PEAR1: variants seen among roughly 807,000 people sequenced by gnomAD.
The protein encoded by PEAR1 is multiple EGF-like domains protein 12.
PEAR1 carries 113 observed loss-of-function variants against 131.2 expected under a neutral mutation model. That is an observed-to-expected ratio of 0.86 (90% confidence interval 0.74 to 1.01). The LOEUF (loss-of-function observed/expected upper bound fraction) is 1.01. Ranked by LOEUF, PEAR1 falls within the 50% of genes least tolerant of loss-of-function variation. The pLI, the probability that PEAR1 is intolerant of heterozygous loss-of-function variation, is 0.00. For missense variants in PEAR1, 1,408 were observed against 1,391.1 expected, an observed-to-expected ratio of 1.01 and a Z score of -0.19; for synonymous variants, 565 against 523.3, an observed-to-expected ratio of 1.08 and a Z score of -1.09.
chr1:156,904,774 A>G lies in PEAR1; in HGVS notation c.128A>G (p.His43Arg), dbSNP rs888045217. 1 of 1,611,990 alleles carries G rather than the reference A, an allele frequency of 6.2e-7. No homozygotes were observed. Among genetic ancestry groups the G allele is most frequent in the Non-Finnish European group, 8.5e-7 (1 of 1,179,308 alleles). The change falls in exon 3 of 23, where the codon CAC becomes CGC. Residue 43 changes from histidine to arginine, a missense_variant. Coordinates refer to ENST00000292357, the MANE Select transcript of PEAR1 (RefSeq NM_001080471.3). ...TTCACTACCACCACCAAGGAGTCCC[A>G]CTCCCGCCCCTTCAGCCTGCTCCCC... The part of the protein sequence containing the change: ...ESFTTTTKES[H>R]SRPFSLLPSE...
At position 156,911,270 on chromosome 1, in the gene PEAR1, C is replaced by T. The variant is rs199833077; in HGVS notation, c.1951+527C>T. On this transcript the variant is annotated intron_variant, in intron 15 of 22. Coordinates refer to ENST00000292357, the MANE Select transcript of PEAR1 (RefSeq NM_001080471.3). ...CTTTCTTTCTTCTTTTCTCTCCCTC[C>T]CTCTCTCTTTCTTTCTTTTTTTTTT... Among the ~76,000 whole-genome samples, 768 of 111,796 alleles carry T rather than the reference C, an allele frequency of 6.9e-3. 40 individuals carry two copies. Among genetic ancestry groups the T allele is most frequent in the African/African-American group, 0.032 (736 of 22,764 alleles). The allele number at this position is 111,796 out of a possible 152,430, so 73.3% of individuals were successfully genotyped here. A position where few individuals can be genotyped will look rare whatever the true frequency, so the allele number is the denominator to read the frequency against.
Position 156,906,893 on chromosome 1 carries a change from G to A in PEAR1, c.644+13G>A, listed in dbSNP as rs1650390193. 1 of 1,611,928 alleles carries A rather than the reference G, an allele frequency of 6.2e-7. No homozygotes were observed. The highest frequency in any genetic ancestry group is 1.7e-5 in the Admixed American group (1 of 59,732). On this transcript the variant is annotated intron_variant, in intron 6 of 22. Transcript: ENST00000292357. ...GAACTGGGCCCAGGTATGTAATGGG[G>A]GGAACGACACTTTAACAAGATCGCA...
In PEAR1 at chr1:156,910,341, G is replaced by A. The variant is rs759553680; in HGVS notation, c.1786G>A (p.Val596Met). The A allele has an allele frequency of 3.7e-6, 6 of 1,610,780 alleles. No homozygotes were observed. The highest frequency in any genetic ancestry group is 1.1e-5 in the South Asian group (1 of 90,646). The change falls in exon 14 of 23, where the codon GTG becomes ATG. Residue 596 changes from valine to methionine, a missense_variant. By Grantham distance (21) the Val-to-Met change is conservative. Coordinates refer to ENST00000292357, the MANE Select transcript of PEAR1 (RefSeq NM_001080471.3). ...GTCLPENGNC[V>M]CAPGFRGPSC... ...CTGTCTCCCTGAGAATGGCAACTGC[G>A]TGTGTGCACCCGGATTCCGGGGCCC...
intron 1 of PEAR1, among the ~76,000 whole-genome samples, chr1:156,897,148 G>A (rs756206657): frequency 9.9e-5 from 15 of 152,190 alleles, no homozygotes; most frequent in Non-Finnish European, 1.5e-4. Context: ...GTTGGGTGCC[G>A]GGCATCCTGG....
At position 156,914,811 on chromosome 1, in the gene PEAR1, G is replaced by T. The variant is rs777626410; in HGVS notation, c.*13G>T. 1.2e-6 allele frequency: 2 copies of T among 1,613,260 alleles called. No homozygotes were observed. The highest frequency in any genetic ancestry group is 2.2e-5 in the East Asian group (1 of 44,854). On this transcript the variant is annotated 3_prime_UTR_variant, in exon 23 of 23. Transcript: ENST00000292357. ...CCAGGACCGTTGAGGAGCCAGGATG[G>T]TATGGCAGAGGCCAGCACACCTGGC...
chr1:156,910,437 G>A lies in PEAR1; in HGVS notation c.1825+57G>A. On this transcript the variant is annotated intron_variant, in intron 14 of 22. Coordinates refer to ENST00000292357, the MANE Select transcript of PEAR1 (RefSeq NM_001080471.3). ...ACCAGCAGGGGGCAGTGTAGTGTCA[G>A]CTGCCAGAGCACCCCTCCCCCCGCG... 3 of 1,548,516 alleles carry A rather than the reference G, an allele frequency of 1.9e-6. No individual in the cohort carries two copies. The South Asian group carries it at 3.7e-5, about 19-fold the overall frequency.
chr1:156,915,070 G>A lies in PEAR1; in HGVS notation c.*272G>A. The A allele has an allele frequency of 2.4e-6, 1 of 412,036 alleles. No individual in the cohort carries two copies. Among genetic ancestry groups the A allele is most frequent in the Non-Finnish European group, 4.3e-6 (1 of 233,192 alleles). The allele number at this position is 412,036 out of a possible 1,614,324, so 25.5% of individuals were successfully genotyped here. A position where few individuals can be genotyped will look rare whatever the true frequency, so the allele number is the denominator to read the frequency against. On this transcript the variant is annotated 3_prime_UTR_variant, in exon 23 of 23. Coordinates refer to ENST00000292357, the MANE Select transcript of PEAR1 (RefSeq NM_001080471.3). The stretch of plus-strand genomic sequence containing the variant: ...TAAACTGGTGGGTTGGAAGTTGCTG[G>A]GTAACTCTGATTTCAGACATGCGTG...
chr1:156,898,999 G>A (rs1649424483), intron 1 of PEAR1, among the ~76,000 whole-genome samples: 2 of 152,214 alleles, frequency 1.3e-5, no homozygotes, highest in South Asian at 4.1e-4. Flanking sequence ...CCTGGAGCTT[G>A]GAGGATTCTG....
In PEAR1 at chr1:156,909,767, C is replaced by T. The variant is rs1311343099; in HGVS notation, c.1428C>T (p.Asn476=). 6.2e-7 allele frequency: 1 copy of T among 1,609,212 alleles called. No individual in the cohort carries two copies. The highest frequency in any genetic ancestry group is 8.5e-7 in the Non-Finnish European group (1 of 1,176,518). ...CTCCTCCAGGTTGGCAGCGTGGTAA[C>T]TGCTCTGTGCCCTGCCCACCCGGAA... is the stretch of plus-strand genomic sequence containing the variant. The part of the protein sequence containing the change: ...CVCKEGWQRG[N]CSVPCPPGTW... The change falls in exon 12 of 23, where the codon AAC becomes AAT. Residue 476 remains asparagine (N), a synonymous_variant. Coordinates refer to ENST00000292357, the MANE Select transcript of PEAR1 (RefSeq NM_001080471.3).
Position 156,907,580 on chromosome 1 carries a change from C to A in PEAR1, c.645-30C>A, listed in dbSNP as rs776709270. 1.9e-6 allele frequency: 3 copies of A among 1,587,954 alleles called. No individual in the cohort carries two copies. In the South Asian group the frequency reaches 3.5e-5, roughly 18 times the overall value. ...AGAGGAAGCAGTTATTGCTTGTTTG[C>A]ACATTGACTCCACCCACTCTGTCCT... On this transcript the variant is annotated intron_variant, in intron 6 of 22. Transcript: ENST00000292357.
At chr1:156,905,254 TC>T in intron 3 of PEAR1, 69 bp from the exon 4 acceptor site, 1 of 1,492,388 alleles carries the variant, frequency 6.7e-7, no homozygotes, top group Non-Finnish European at 9.2e-7. Context: ...TTCCCTGGCC[TC>T]CCCCTGGCCA....
chr1:156,905,067 A>T, intron 3 of PEAR1: 4 of 1,281,344 alleles, frequency 3.1e-6, no homozygotes, highest in Non-Finnish European at 4.4e-6. Context: ...ATGTTACAGT[A>T]TATGCCTGTG....
Position 156,906,365 on chromosome 1 carries a change from AGTG to A in PEAR1, c.400+1_400+3del. ...AGGCTGGCGGGGCGACGACTGTTCC[AGTG>A]GTGAGTGGCTACTGACCCCAGGGAG... On this transcript the variant is annotated inframe_deletion and splice_region_variant, in exon 5 of 23. Transcript: ENST00000292357. The A allele has an allele frequency of 6.2e-7, 1 of 1,614,142 alleles. No homozygotes were observed. Among genetic ancestry groups the A allele is most frequent in the Non-Finnish European group, 8.5e-7 (1 of 1,179,988 alleles).
chr1:156,903,478 G>A lies in PEAR1; in HGVS notation c.-9-440G>A, dbSNP rs191956746. Among the ~76,000 whole-genome samples, 414 of 152,286 alleles carry A rather than the reference G, an allele frequency of 2.7e-3. 2 individuals are homozygous for A. Among genetic ancestry groups the A allele is most frequent in the African/African-American group, 9.6e-3 (397 of 41,560 alleles). ...AGTGCCCTGGGTAGGGCCTGGGCTG[G>A]GGGCTGGGGATTCAGAGATGAAACG... On this transcript the variant is annotated intron_variant, in intron 1 of 22. Coordinates refer to ENST00000292357, the MANE Select transcript of PEAR1 (RefSeq NM_001080471.3).
intron 2 of PEAR1, among the ~76,000 whole-genome samples, chr1:156,904,254 C>G (rs558979418): frequency 6.6e-6 from 1 of 152,190 alleles, no homozygotes; most frequent in Non-Finnish European, 1.5e-5. Context: ...ACCATCCTTT[C>G]TCTTTCCCCG....
chr1:156,908,989 A>G lies in PEAR1; in HGVS notation c.1364A>G (p.Asn455Ser). ...VNCSARCSCE[N>S]AIACSPIDGE... ...TGTTCTGCACGCTGCTCATGTGAAA[A>G]TGCCATCGCCTGCTCACCCATCGAC... The change falls in exon 11 of 23, where the codon AAT becomes AGT. Residue 455 changes from asparagine to serine, a missense_variant. Transcript: ENST00000292357. This position sits in a 1 kb window ranked among gnomAD's most constrained non-coding sequence, Gnocchi z 4.2. 1 of 1,614,120 alleles carries G rather than the reference A, an allele frequency of 6.2e-7. No homozygotes were observed. Among genetic ancestry groups the G allele is most frequent in the South Asian group, 1.1e-5 (1 of 91,084 alleles).
chr1:156,896,949 G>A (rs375601868), intron 1 of PEAR1, among the ~76,000 whole-genome samples: 4 of 152,164 alleles, frequency 2.6e-5, no homozygotes, highest in Non-Finnish European at 4.4e-5. Flanking sequence ...CATCAAACAC[G>A]CACCTCATTG....
rs777961949 is a variant in PEAR1, at chr1:156,912,201, G to A, written c.1952-46G>A. 2.3e-5 allele frequency: 36 copies of A among 1,566,270 alleles called. No individual in the cohort carries two copies. The South Asian group carries it at 3.6e-4, about 16-fold the overall frequency. On this transcript the variant is annotated intron_variant, in intron 15 of 22. Coordinates refer to ENST00000292357, the MANE Select transcript of PEAR1 (RefSeq NM_001080471.3). ...TGCTGGGGGCTGAGAGTTCATCCAG[G>A]AAAAGCTGTACCTGCCCCACCAGAC...
Position 156,903,992 on chromosome 1 carries a change from C to A in PEAR1, c.66C>A (p.Asn22Lys), listed in dbSNP as rs1371892874. 1.2e-6 allele frequency: 2 copies of A among 1,614,090 alleles called. No individual in the cohort carries two copies. Among genetic ancestry groups the A allele is most frequent in the Non-Finnish European group, 1.7e-6 (2 of 1,179,994 alleles). ...GCCTGCGGCTGGCTGGAACTCTCAACCCCAGTGATCCCAATACCTGCAGCT... is the reference window on the plus strand; with the variant it reads ...GCCTGCGGCTGGCTGGAACTCTCAAACCCAGTGATCCCAATACCTGCAGCT... ...AVGLRLAGTL[N>K]PSDPNTCSFW... Residue 22 changes from asparagine (N) to lysine (K), a missense_variant, in exon 2 of 23, where the codon AAC becomes AAA. Asn to Lys is a moderately conservative substitution (Grantham distance 94, BLOSUM62 0). Transcript: ENST00000292357.
Sources: allele counts gnomAD v4.1 joint callset (sites outside exome capture counted in the v4.1 genomes callset), GRCh38; gene constraint gnomAD v4.1.1; non-coding constraint Gnocchi (gnomAD v3.1); transcripts MANE v1.5; gene names NCBI Gene and HGNC (gene_info 2026-07-23, HGNC 2026-07-21).